The following MRPS28 variants were observed in gnomAD, a reference collection of about 807,000 sequenced individuals.
MRPS28 encodes mitochondrial ribosomal protein S28.
A neutral mutation model predicts 10.8 loss-of-function variants in MRPS28; 7 were observed. That is an observed-to-expected ratio of 0.65 (90% CI 0.37 to 1.22). The LOEUF is 1.22. Ranked by LOEUF, MRPS28 falls within the 50% of genes most tolerant of loss-of-function variation. The pLI, the probability that MRPS28 is intolerant of heterozygous loss-of-function variation, is 0.02. For synonymous variants in MRPS28, 121 were observed against 93.3 expected (o/e 1.30, Z -1.71); for missense variants, 265 against 232.9 (o/e 1.14, Z -0.90).
intron 1 of MRPS28, among the ~76,000 whole-genome samples, chr8:80,020,770 CAT>C (rs1307730592): frequency 6.6e-6 from 1 of 152,066 alleles, no homozygotes; most frequent in Non-Finnish European, 1.5e-5. Flanking sequence ...CGTAAAAAGA[CAT>C]AGGAAATTTG....
chr8:79,985,023 A>G (rs990247766), intron 2 of MRPS28, among the ~76,000 whole-genome samples: 1 of 152,202 alleles, frequency 6.6e-6, no homozygotes, highest in Non-Finnish European at 1.5e-5. Context: ...ACATAGTTGG[A>G]AGTAAAGCTC....
chr8:80,029,239 T>G (rs935798578), intron 1 of MRPS28, among the ~76,000 whole-genome samples: 14 of 152,232 alleles, frequency 9.2e-5, no homozygotes, highest in African/African-American at 2.4e-4. Context: ...AGAAAAATTT[T>G]GACATCAGTA....
intron 2 of MRPS28, among the ~76,000 whole-genome samples, chr8:79,923,493 A>C (rs111234051): frequency 2.7e-4 from 41 of 152,338 alleles, no homozygotes; most frequent in African/African-American, 9.9e-4. Context: ...CAAATAAATT[A>C]TCATTAAAAA....
intron 2 of MRPS28, among the ~76,000 whole-genome samples, chr8:79,963,780 A>G (rs1183455220): frequency 6.6e-6 from 1 of 152,042 alleles, no homozygotes; most frequent in Non-Finnish European, 1.5e-5. Flanking sequence ...TTCACAGCTC[A>G]GTGGGGGCTA....
intron 2 of MRPS28, among the ~76,000 whole-genome samples, chr8:79,982,902 G>C (rs558801226): frequency 0.016 from 2,452 of 149,252 alleles, 64 homozygotes; most frequent in African/African-American, 0.056. Context: ...TGACAGCTTT[G>C]AAGAGAGCAG....
chr8:79,977,484 T>A (rs1807833189), intron 2 of MRPS28, among the ~76,000 whole-genome samples: 1 of 152,172 alleles, frequency 6.6e-6, no homozygotes, highest in Non-Finnish European at 1.5e-5. Context: ...ACAGAATTAA[T>A]TAAGTTTCCT....
intron 1 of MRPS28, among the ~76,000 whole-genome samples, chr8:80,006,023 C>G (rs189600204): frequency 6.6e-6 from 1 of 152,156 alleles, no homozygotes; most frequent in Non-Finnish European, 1.5e-5. Flanking sequence ...TAGACTCCCA[C>G]ATAATAATAA....
At chr8:79,982,487 G>C (rs892488355) in intron 2 of MRPS28, among the ~76,000 whole-genome samples, 7 of 152,044 alleles carry the variant, frequency 4.6e-5, no homozygotes, top group African/African-American at 1.7e-4. Flanking sequence ...AAGCACAAGG[G>C]GTCAGGGAGT....
At chr8:79,937,688 C>T (rs558946367) in intron 2 of MRPS28, among the ~76,000 whole-genome samples, 19 of 152,094 alleles carry the variant, frequency 1.2e-4, no homozygotes, top group African/African-American at 3.6e-4. Context: ...TTCTTTTTAC[C>T]TTTCATAGTT....
At chr8:79,931,500 G>T (rs1407859684) in intron 2 of MRPS28, among the ~76,000 whole-genome samples, 3 of 152,188 alleles carry the variant, frequency 2.0e-5, no homozygotes, top group South Asian at 2.1e-4. Context: ...CTCCTTGTAG[G>T]TGAACAACTC....
At chr8:80,018,295 CAAAAAAAA>C (rs55883340) in intron 1 of MRPS28, among the ~76,000 whole-genome samples, 1 of 53,078 alleles carries the variant, frequency 1.9e-5, no homozygotes, top group African/African-American at 8.1e-5. Flanking sequence ...TACTCTGTCT[CAAAAAAAA>C]AAAAAAAAAA....
At chr8:79,992,081 A>G (rs984252853) in intron 2 of MRPS28, among the ~76,000 whole-genome samples, 11 of 152,196 alleles carry the variant, frequency 7.2e-5, no homozygotes, top group African/African-American at 1.7e-4. Flanking sequence ...CTTGCCAGAC[A>G]TATGAGTGAG....
At chr8:80,008,076 T>C (rs1479248175) in intron 1 of MRPS28, among the ~76,000 whole-genome samples, 1 of 152,064 alleles carries the variant, frequency 6.6e-6, no homozygotes, top group Non-Finnish European at 1.5e-5. Flanking sequence ...AAAACAGAGA[T>C]ATACACCAAT....
intron 2 of MRPS28, among the ~76,000 whole-genome samples, chr8:79,982,928 A>G (rs544405049): frequency 3.0e-3 from 424 of 140,438 alleles, no homozygotes; most frequent in African/African-American, 9.9e-3. Context: ...CTCCCAGCAC[A>G]CAGCTGGAGA....
chr8:80,007,362 A>G (rs954743332), intron 1 of MRPS28, among the ~76,000 whole-genome samples: 4 of 152,258 alleles, frequency 2.6e-5, no homozygotes, highest in Non-Finnish European at 4.4e-5. Context: ...AAACTGGTGC[A>G]AGAAAGGGAT....
At chr8:80,003,484 A>G (rs367620952) in intron 1 of MRPS28, among the ~76,000 whole-genome samples, 19 of 152,140 alleles carry the variant, frequency 1.2e-4, no homozygotes, top group African/African-American at 3.9e-4. Context: ...CAACATAGAG[A>G]AACCCTGTCT....
intron 2 of MRPS28, among the ~76,000 whole-genome samples, chr8:79,920,774 C>G (rs1278376776): frequency 6.6e-6 from 1 of 152,134 alleles, no homozygotes; most frequent in Non-Finnish European, 1.5e-5. Context: ...TTTTGCTGTG[C>G]AGAAGCGCTT....
chr8:79,950,032 G>A (rs2129966059), intron 2 of MRPS28, among the ~76,000 whole-genome samples: 1 of 151,868 alleles, frequency 6.6e-6, no homozygotes, highest in East Asian at 1.9e-4. Context: ...AAAAAGTAAA[G>A]AAAAACACAT....
chr8:79,952,708 T>C (rs1448174195), intron 2 of MRPS28, among the ~76,000 whole-genome samples: 1 of 152,198 alleles, frequency 6.6e-6, no homozygotes, highest in Admixed American at 6.5e-5. Context: ...GTAGCTTCTC[T>C]GCTACAGGGA....
Sources: allele counts gnomAD v4.1 joint callset (sites outside exome capture counted in the v4.1 genomes callset), GRCh38; gene constraint gnomAD v4.1.1; transcripts MANE v1.5; gene names NCBI Gene and HGNC (gene_info 2026-07-23, HGNC 2026-07-21).